Variants in FLI1 observed in about 807,000 individuals in gnomAD.
FLI1 encodes the protein Fli-1 proto-oncogene, ETS transcription factor, also known as Friend leukemia integration 1 transcription factor.
In FLI1, 13 loss-of-function variants were observed where a neutral mutation model predicts 53.1. The ratio of observed to expected loss-of-function variants is 0.24; its 90% CI spans 0.16 to 0.39. The LOEUF (loss-of-function observed/expected upper bound fraction) is 0.39. FLI1 is among the 10% of genes least tolerant of loss of function. The pLI is 1.00. For missense variants in FLI1, 424 were observed against 600.5 expected (o/e 0.71, Z 3.07); for synonymous variants, 244 against 236.7 (o/e 1.03, Z -0.28).
intron 1 of FLI1, among the ~76,000 whole-genome samples, chr11:128,744,007 G>C (rs1940261192): frequency 6.6e-6 from 1 of 152,192 alleles, no homozygotes; most frequent in African/African-American, 2.4e-5. Flanking sequence ...GGGACCAGCT[G>C]TGCACCAGAG....
intron 5 of FLI1, among the ~76,000 whole-genome samples, chr11:128,798,037 T>G (rs1322308618): frequency 7.9e-5 from 12 of 152,134 alleles, no homozygotes; most frequent in Non-Finnish European, 2.9e-5. Flanking sequence ...CATTGCAACC[T>G]ATGAGGGTCG....
intron 1 of FLI1, among the ~76,000 whole-genome samples, chr11:128,739,066 A>G (rs1202719648): frequency 1.3e-5 from 2 of 152,204 alleles, no homozygotes; most frequent in African/African-American, 2.4e-5. Context: ...GCGGATAAGC[A>G]CCAAACTCGA....
intron 2 of FLI1, among the ~76,000 whole-genome samples, chr11:128,767,733 G>T (rs1364757924): frequency 6.6e-6 from 1 of 152,126 alleles, no homozygotes; most frequent in Non-Finnish European, 1.5e-5. Context: ...TAACCAAGGC[G>T]GGCACCAAGT....
intron 5 of FLI1, among the ~76,000 whole-genome samples, chr11:128,789,092 T>C (rs1942187497): frequency 6.6e-6 from 1 of 152,146 alleles, no homozygotes; most frequent in Non-Finnish European, 1.5e-5. Flanking sequence ...AGCTGCAGCA[T>C]GGCAGGGCTG....
rs1346572615 is a variant in FLI1, at chr11:128,810,424, G to A, written c.830-35G>A. The A allele has an allele frequency of 2.6e-6, 4 of 1,560,446 alleles. No homozygotes were observed. Among genetic ancestry groups the A allele is most frequent in the Non-Finnish European group, 8.7e-7 (1 of 1,152,822 alleles). On this transcript the variant is annotated intron_variant, in intron 8 of 8. Transcript: ENST00000527786. The surrounding 1 kb of genome is among the most constrained non-coding windows in gnomAD (Gnocchi z 6.6). Reference sequence around the variant, plus strand: ...GGTTCTGCCTTCTCTGGGCTGAGGTGTTCTGTTCTCTCCCGTTTGCCTCAC... The same window carrying A: ...GGTTCTGCCTTCTCTGGGCTGAGGTATTCTGTTCTCTCCCGTTTGCCTCAC...
chr11:128,718,634 T>C (rs527938816), intron 1 of FLI1, among the ~76,000 whole-genome samples: 1 of 152,328 alleles, frequency 6.6e-6, no homozygotes, highest in East Asian at 1.9e-4. Flanking sequence ...AGTTATTGTT[T>C]AGAGTTTTGT....
At chr11:128,718,056 C>T (rs555404737) in intron 1 of FLI1, among the ~76,000 whole-genome samples, 2 of 152,310 alleles carry the variant, frequency 1.3e-5, no homozygotes, top group African/African-American at 4.8e-5. Flanking sequence ...TAGATAATGG[C>T]ATCCCCAGAA....
intron 5 of FLI1, among the ~76,000 whole-genome samples, chr11:128,801,475 T>G (rs565870965): frequency 2.5e-4 from 38 of 152,348 alleles, no homozygotes; most frequent in South Asian, 1.9e-3. Context: ...ACACATAAAA[T>G]GCACACCACT....
chr11:128,723,064 C>G (rs994689513), intron 1 of FLI1, among the ~76,000 whole-genome samples: 2 of 152,174 alleles, frequency 1.3e-5, no homozygotes, highest in African/African-American at 4.8e-5. Context: ...CAAGCTAGCT[C>G]TCTTGGGTCC....
intron 1 of FLI1, among the ~76,000 whole-genome samples, chr11:128,694,637 C>T (rs2135686445): frequency 1.6e-4 from 1 of 6,242 alleles, no homozygotes; most frequent in African/African-American, 8.3e-4. Context: ...CTCCCACCGA[C>T]ACCCGGGGCT....
intron 2 of FLI1, among the ~76,000 whole-genome samples, chr11:128,765,430 G>A (rs1313759069): frequency 6.6e-6 from 1 of 152,156 alleles, no homozygotes; most frequent in African/African-American, 2.4e-5. Flanking sequence ...ATCCCCAGGG[G>A]CCCGGCTGAT....
At chr11:128,774,263 C>A (rs971721078) in intron 4 of FLI1, among the ~76,000 whole-genome samples, 2 of 152,092 alleles carry the variant, frequency 1.3e-5, no homozygotes, top group Non-Finnish European at 1.5e-5. Flanking sequence ...CTTTCCGAGG[C>A]GTCTGGTAAC....
chr11:128,685,172 C>G (rs1463023705), upstream of FLI1, among the ~76,000 whole-genome samples: 1 of 152,230 alleles, frequency 6.6e-6, no homozygotes, highest in Non-Finnish European at 1.5e-5. Flanking sequence ...CTGCAGCCCC[C>G]CAGGATGCGC....
At chr11:128,704,227 T>G (rs186110680) in intron 1 of FLI1, among the ~76,000 whole-genome samples, 92 of 152,276 alleles carry the variant, frequency 6.0e-4, no homozygotes, top group Middle Eastern at 3.4e-3. Context: ...CACGTAGATG[T>G]TCTATCTGAT....
chr11:128,765,650 G>A (rs1164329758), intron 2 of FLI1, among the ~76,000 whole-genome samples: 8 of 152,126 alleles, frequency 5.3e-5, no homozygotes, highest in African/African-American at 1.9e-4. Context: ...GAGGCCGCCT[G>A]CCAATGAAAA....
At chr11:128,770,763 G>A (rs935852504) in intron 3 of FLI1, among the ~76,000 whole-genome samples, 2 of 152,226 alleles carry the variant, frequency 1.3e-5, no homozygotes, top group African/African-American at 2.4e-5. Flanking sequence ...CAACTCTCCC[G>A]AGGATATGTT....
chr11:128,695,060 G>A (rs1937992129), intron 1 of FLI1, among the ~76,000 whole-genome samples: 1 of 152,062 alleles, frequency 6.6e-6, no homozygotes, highest in East Asian at 2.0e-4. Context: ...GGCTCCTGGA[G>A]CTGTCGCCTC....
intron 1 of FLI1, chr11:128,748,262 G>A (rs910162620): frequency 2.3e-5 from 23 of 984,508 alleles, no homozygotes; most frequent in Non-Finnish European, 1.6e-5. Flanking sequence ...GTCATCCACT[G>A]CTGAGCCCCC....
intron 1 of FLI1, among the ~76,000 whole-genome samples, chr11:128,746,820 T>C (rs189719695): frequency 2.8e-4 from 42 of 152,222 alleles, no homozygotes; most frequent in African/African-American, 1.0e-3. Flanking sequence ...TAAAGGATGG[T>C]TAAAAATGTC....
Sources: gnomAD v4.1 joint callset for allele counts (sites outside exome capture counted in the v4.1 genomes callset) on GRCh38, gnomAD v4.1.1 for gene constraint, Gnocchi (gnomAD v3.1) non-coding constraint, MANE v1.5 for transcripts, NCBI Gene and HGNC (gene_info 2026-07-23, HGNC 2026-07-21) for gene names.